Variants in ACSM4 observed in about 807,000 individuals in gnomAD.
ACSM4 encodes acyl-coenzyme A synthetase ACSM4, mitochondrial.
A neutral mutation model predicts 73.0 loss-of-function variants in ACSM4; 66 were observed. That is an observed-to-expected ratio of 0.90 (90% CI 0.74 to 1.11). The LOEUF is 1.11. Among genes scored for constraint, ACSM4 ranks in the 50% least tolerant of loss-of-function variants. The pLI is 0.00. For missense variants in ACSM4, 645 were observed against 714.4 expected, an observed-to-expected ratio of 0.90 and a Z score of 1.11; for synonymous variants, 222 against 254.0, an observed-to-expected ratio of 0.87 and a Z score of 1.20.
At chr12:7,324,787 C>A (rs897733699) in intron 11 of ACSM4, among the ~76,000 whole-genome samples, 189 bp downstream of exon 11, 4 of 150,606 alleles carry the variant, frequency 2.7e-5, no homozygotes, top group Admixed American at 6.6e-5. Context: ...TATTAGAATT[C>A]TTTTGATGGC....
At position 7,318,170 on chromosome 12, in the gene ACSM4, C is replaced by T. The variant is rs1431325379; in HGVS notation, c.909C>T (p.Asp303=). ...ATCGAATGGCACAGTTTGACACTGACACCTTCCTAGACGTAAGTCATGTCC... is the reference window on the plus strand; with the variant it reads ...ATCGAATGGCACAGTTTGACACTGATACCTTCCTAGACGTAAGTCATGTCC... The part of the protein sequence containing the change: ...FVHRMAQFDT[D]TFLDTLTTYP... Residue 303 remains aspartate (D), a synonymous_variant, in exon 5 of 13, where the codon GAC becomes GAT. Coordinates refer to ENST00000399422, the MANE Select transcript of ACSM4 (RefSeq NM_001080454.2). 1.9e-6 allele frequency: 3 copies of T among 1,613,288 alleles called. No homozygotes were observed. The highest frequency in any genetic ancestry group is 1.7e-6 in the Non-Finnish European group (2 of 1,179,766).
rs201167706 is a variant in ACSM4 at position 7,304,395 on chromosome 12, C to T, written c.64C>T (p.Arg22Cys). ...FIWLTKPPGR[R>C]LHKDHQLWTP... ...CTGGCTCACCAAGCCACCTGGCCGGCGCTTACACAAAGATCACCAGCTTTG... is the reference window on the plus strand; with the variant it reads ...CTGGCTCACCAAGCCACCTGGCCGGTGCTTACACAAAGATCACCAGCTTTG... The change falls in exon 1 of 13, where the codon CGC (arginine) becomes TGC (cysteine). Residue 22 changes from arginine (R) to cysteine (C), a missense_variant. Transcript: ENST00000399422. 1.7e-4 allele frequency: 282 copies of T among 1,613,898 alleles called. No homozygotes were observed. The Middle Eastern group carries it at 0.011, about 64-fold the overall frequency.
chr12:7,322,970 T>C (rs1353392462), intron 7 of ACSM4, among the ~76,000 whole-genome samples: 1 of 152,160 alleles, frequency 6.6e-6, no homozygotes, highest in Non-Finnish European at 1.5e-5. Flanking sequence ...AAATACCAAA[T>C]TCTTAGACCC....
chr12:7,327,140 G>A (rs1591848289), intron 12 of ACSM4, 45 bp downstream of exon 12: 1 of 1,543,234 alleles, frequency 6.5e-7, no homozygotes, highest in Non-Finnish European at 8.7e-7. Flanking sequence ...TACCAAACTA[G>A]GGTCTAAGCT....
At chr12:7,312,331 T>C (rs1371411281) in intron 3 of ACSM4, among the ~76,000 whole-genome samples, 1 of 152,222 alleles carries the variant, frequency 6.6e-6, no homozygotes, top group African/African-American at 2.4e-5. Flanking sequence ...TCTCAAGTGT[T>C]GTTTTGAGGG....
chr12:7,318,654 T>C (rs1946438978), intron 5 of ACSM4: 1 of 152,572 alleles, frequency 6.6e-6, no homozygotes, highest in Non-Finnish European at 1.5e-5. Flanking sequence ...CAGAACCCGA[T>C]ACTCTTCTGG....
chr12:7,317,901 G>C, intron 4 of ACSM4, 125 bp from the exon 5 acceptor site: 1 of 1,019,298 alleles, frequency 9.8e-7, no homozygotes, highest in African/African-American at 1.6e-5. Flanking sequence ...CCTTGCCTGG[G>C]GCTTCTTTTG....
rs1946406606 is a variant in ACSM4, at chr12:7,314,397, C to A, written c.621-2740C>A. On this transcript the variant is annotated intron_variant, in intron 3 of 12. Coordinates refer to ENST00000399422, the MANE Select transcript of ACSM4 (RefSeq NM_001080454.2). ...TAATTAGCTCTGAAATCTAGAAAGG[C>A]ATAACTCGGAACTCAGGTATTCAAG... is the stretch of plus-strand genomic sequence containing the variant. 2.0e-5 allele frequency among the ~76,000 whole-genome samples: 3 copies of A among 152,242 alleles called. No individual in the cohort carries two copies. In the South Asian group the frequency reaches 6.2e-4, roughly 32 times the overall value.
At position 7,306,743 on chromosome 12, in the gene ACSM4, G is replaced by A. The variant is rs983367630; in HGVS notation, c.412G>A (p.Gly138Arg). Residue 138 changes from glycine to arginine, a missense_variant and splice_region_variant, in exon 2 of 13, where the codon GGG becomes AGG. Coordinates refer to ENST00000399422, the MANE Select transcript of ACSM4 (RefSeq NM_001080454.2). ...WLVNVACIRT[G>R]IIFMPGTIQL... ...GGTCAATGTAGCTTGCATACGAACA[G>A]GTCAGTGCCAATATTAGCATTCTAA... 1.2e-6 allele frequency: 2 copies of A among 1,606,502 alleles called. No homozygotes were observed. Among genetic ancestry groups the A allele is most frequent in the African/African-American group, 1.3e-5 (1 of 74,572 alleles).
At chr12:7,328,243 A>G in intron 12 of ACSM4, 44 bp from the exon 13 acceptor site, 1 of 1,442,060 alleles carries the variant, frequency 6.9e-7, no homozygotes, top group Non-Finnish European at 9.5e-7. Context: ...GACAATTGGA[A>G]GGATGGAATC....
chr12:7,308,829 T>C (rs757842000), intron 2 of ACSM4, among the ~76,000 whole-genome samples: 3 of 152,230 alleles, frequency 2.0e-5, no homozygotes, highest in Non-Finnish European at 2.9e-5. Flanking sequence ...CATTTTTGTA[T>C]TTAGCAAACT....
intron 3 of ACSM4, among the ~76,000 whole-genome samples, chr12:7,313,093 ATTC>A (rs994341258): frequency 3.9e-5 from 6 of 152,106 alleles, no homozygotes; most frequent in African/African-American, 1.4e-4. Flanking sequence ...GTAATTTGCA[ATTC>A]TTCTTTTTTC....
intron 11 of ACSM4, 118 bp from the exon 12 acceptor site, chr12:7,326,858 G>T (rs1946509953): frequency 8.8e-7 from 1 of 1,132,278 alleles, no homozygotes; most frequent in Non-Finnish European, 1.2e-6. Flanking sequence ...TCTGGCATTT[G>T]CAGTCATCAC....
At chr12:7,324,142 A>G in intron 9 of ACSM4, 131 bp from the exon 10 acceptor site, 5 of 1,082,536 alleles carry the variant, frequency 4.6e-6, no homozygotes, top group Non-Finnish European at 6.5e-6. Context: ...GGCAACAGAG[A>G]GAGACTCTGT....
At chr12:7,310,364 T>C (rs1946383321) in intron 2 of ACSM4, among the ~76,000 whole-genome samples, 175 bp from the exon 3 acceptor site, 1 of 152,194 alleles carries the variant, frequency 6.6e-6, no homozygotes, top group Non-Finnish European at 1.5e-5. Context: ...AAGCTAGTGC[T>C]CCAAGGGATC....
chr12:7,313,425 G>C (rs1163593983), intron 3 of ACSM4, among the ~76,000 whole-genome samples: 1 of 152,182 alleles, frequency 6.6e-6, no homozygotes, highest in Non-Finnish European at 1.5e-5. Flanking sequence ...CAGTTGGCTA[G>C]TTTTTCGGAA....
chr12:7,315,620 A>C (rs768671397), intron 3 of ACSM4, among the ~76,000 whole-genome samples: 2 of 152,286 alleles, frequency 1.3e-5, no homozygotes, highest in South Asian at 2.1e-4. Flanking sequence ...GCAAAAAATA[A>C]AAAAATAAAT....
intron 4 of ACSM4, 111 bp from the exon 5 acceptor site, chr12:7,317,915 C>T: frequency 8.4e-7 from 1 of 1,190,790 alleles, no homozygotes; most frequent in Non-Finnish European, 1.2e-6. Context: ...TCTTTTGACC[C>T]TTCTCTGTAG....
intron 5 of ACSM4, 75 bp from the exon 6 acceptor site, chr12:7,320,650 A>G: frequency 8.1e-7 from 1 of 1,230,048 alleles, no homozygotes; most frequent in Non-Finnish European, 1.2e-6. Flanking sequence ...AGAAAATAAC[A>G]GGGTGTAGAT....
Sources: allele counts gnomAD v4.1 joint callset (sites outside exome capture counted in the v4.1 genomes callset), GRCh38; gene constraint gnomAD v4.1.1; transcripts MANE v1.5; gene names NCBI Gene and HGNC (gene_info 2026-07-23, HGNC 2026-07-21).